Variants in MARCHF1 observed in about 807,000 individuals in gnomAD.
MARCHF1 encodes the protein E3 ubiquitin-protein ligase MARCHF1.
MARCHF1 carries 40 observed loss-of-function variants against 54.2 expected under a neutral mutation model. The ratio of observed to expected loss-of-function variants is 0.74; its 90% CI spans 0.57 to 0.96. The LOEUF is 0.96. Ranked by LOEUF, MARCHF1 falls within the 40% of genes least tolerant of loss-of-function variation. The pLI, the probability that MARCHF1 is intolerant of heterozygous loss-of-function variation, is 0.00. For synonymous variants in MARCHF1, 236 were observed against 236.3 expected (o/e 1.00, Z 0.01); for missense variants, 586 against 656.5 (o/e 0.89, Z 1.17).
chr4:163,849,114 T>G (rs1221318885), intron 4 of MARCHF1, among the ~76,000 whole-genome samples: 1 of 152,210 alleles, frequency 6.6e-6, no homozygotes, highest in Admixed American at 6.5e-5. Flanking sequence ...GTTCTTCCCC[T>G]TAACCTGAGA....
At chr4:163,643,902 G>A (rs915769072) in intron 5 of MARCHF1, among the ~76,000 whole-genome samples, 18 of 152,132 alleles carry the variant, frequency 1.2e-4, no homozygotes, top group Admixed American at 1.0e-3. Context: ...AGATAGAATG[G>A]AATGGAGATA....
chr4:164,214,747 C>G (rs1206510591), intron 1 of MARCHF1, among the ~76,000 whole-genome samples: 3 of 152,192 alleles, frequency 2.0e-5, no homozygotes, highest in Admixed American at 6.5e-5. Context: ...AATTATAACT[C>G]AATAATGCCT....
chr4:163,791,569 T>C (rs1470280372), intron 4 of MARCHF1, among the ~76,000 whole-genome samples: 6 of 152,148 alleles, frequency 3.9e-5, no homozygotes, highest in South Asian at 2.1e-4. Context: ...GTGGATACTA[T>C]AGGACTGCAG....
At chr4:163,848,134 T>A (rs1749538268) in intron 4 of MARCHF1, among the ~76,000 whole-genome samples, 1 of 152,192 alleles carries the variant, frequency 6.6e-6, no homozygotes, top group South Asian at 2.1e-4. Context: ...ATATGTCTGA[T>A]TACAAATCAT....
chr4:163,927,629 TGGTTAGCTTGC>T (rs1751564708), intron 3 of MARCHF1, among the ~76,000 whole-genome samples: 1 of 151,832 alleles, frequency 6.6e-6, no homozygotes, highest in South Asian at 2.1e-4. Flanking sequence ...ACAGGTTGCC[TGGTTAGCTTGC>T]AGAGTAATTT....
At chr4:164,204,434 G>A (rs138135042) in intron 1 of MARCHF1, among the ~76,000 whole-genome samples, 12 of 152,244 alleles carry the variant, frequency 7.9e-5, no homozygotes, top group African/African-American at 2.4e-4. Context: ...TTTAGTTTTT[G>A]CTCTTTGAGA....
Position 163,835,824 on chromosome 4 carries a change from A to G in MARCHF1, c.111+18197T>C, listed in dbSNP as rs76551013. Among the ~76,000 whole-genome samples, 5 of 152,360 alleles carry G rather than the reference A, an allele frequency of 3.3e-5. No homozygotes were observed. The East Asian group carries it at 9.6e-4, about 29-fold the overall frequency. On this transcript the variant is annotated intron_variant, in intron 4 of 9. Coordinates refer to ENST00000514618, the MANE Select transcript of MARCHF1 (RefSeq NM_001394959.1). ...TCACATGCATTTTACAAAAGTACAT[A>G]TAACCAGTTTATGCAGAGAGTTAAC...
chr4:163,564,143 C>T lies in MARCHF1; in HGVS notation c.1192-18400G>A, dbSNP rs565106870. ...CTCCTTAACCATTCGCCTTACTGTT[C>T]GGTACATATTTCTATAAACAGGCTC... On this transcript the variant is annotated intron_variant, in intron 8 of 9. Coordinates refer to ENST00000514618, the MANE Select transcript of MARCHF1 (RefSeq NM_001394959.1). 8.5e-5 allele frequency among the ~76,000 whole-genome samples: 13 copies of T among 152,234 alleles called. No homozygotes were observed. In the East Asian group the frequency reaches 1.5e-3, roughly 18 times the overall value.
chr4:164,373,153 C>T (rs2110963456), intron 1 of MARCHF1, among the ~76,000 whole-genome samples: 1 of 152,216 alleles, frequency 6.6e-6, no homozygotes, highest in South Asian at 2.1e-4. Context: ...AAAATACTAT[C>T]ATCTGCATTT....
intron 4 of MARCHF1, among the ~76,000 whole-genome samples, chr4:163,751,873 TAAAGAC>T (rs1746531971): frequency 6.6e-6 from 1 of 151,260 alleles, no homozygotes; most frequent in Non-Finnish European, 1.5e-5. Context: ...ATGGAAGAAA[TAAAGAC>T]AAAGAAGAGT....
chr4:164,041,429 C>A (rs1346148963), intron 2 of MARCHF1, among the ~76,000 whole-genome samples: 1 of 152,112 alleles, frequency 6.6e-6, no homozygotes, highest in Non-Finnish European at 1.5e-5. Context: ...AAGATTCATG[C>A]CTTCCTCATT....
intron 1 of MARCHF1, among the ~76,000 whole-genome samples, chr4:164,229,400 G>T (rs927890294): frequency 2.6e-5 from 4 of 152,134 alleles, no homozygotes; most frequent in African/African-American, 7.2e-5. Flanking sequence ...GAGAGACCAG[G>T]GCTTGAGGCC....
intron 4 of MARCHF1, among the ~76,000 whole-genome samples, chr4:163,707,233 T>C (rs1348309869): frequency 6.6e-6 from 1 of 152,100 alleles, no homozygotes; most frequent in Non-Finnish European, 1.5e-5. Context: ...TATATTTGAT[T>C]ATCCTCTGTC....
intron 2 of MARCHF1, among the ~76,000 whole-genome samples, chr4:164,044,157 G>T (rs1221980366): frequency 6.6e-6 from 1 of 152,118 alleles, no homozygotes; most frequent in East Asian, 1.9e-4. Flanking sequence ...TTGCAAAGTC[G>T]CTTTCACATT....
At chr4:164,265,320 A>G (rs1271320200) in intron 1 of MARCHF1, among the ~76,000 whole-genome samples, 1 of 152,200 alleles carries the variant, frequency 6.6e-6, no homozygotes, top group Non-Finnish European at 1.5e-5. Flanking sequence ...AAAGCAGTGT[A>G]AATAAAAATA....
intron 1 of MARCHF1, among the ~76,000 whole-genome samples, chr4:164,377,506 T>C (rs1731226645): frequency 6.6e-6 from 1 of 152,128 alleles, no homozygotes; most frequent in Non-Finnish European, 1.5e-5. Flanking sequence ...CATTTTTCAC[T>C]CCATAAATGT....
Position 163,525,285 on chromosome 4 carries a change from C to T in MARCHF1, c.*3463G>A, listed in dbSNP as rs1193464623. ...CAAAGAATAGATGTTTTAAAGAGTACCCAAGGACCTTTTGTAAAACAAGAT... is the reference window on the plus strand; with the variant it reads ...CAAAGAATAGATGTTTTAAAGAGTATCCAAGGACCTTTTGTAAAACAAGAT... On this transcript the variant is annotated 3_prime_UTR_variant, in exon 10 of 10. Coordinates refer to ENST00000514618, the MANE Select transcript of MARCHF1 (RefSeq NM_001394959.1). The T allele has an allele frequency of 6.6e-6, 1 of 151,992 alleles. No homozygotes were observed. Among genetic ancestry groups the T allele is most frequent in the Non-Finnish European group, 1.5e-5 (1 of 67,994 alleles). 9.4% of individuals were successfully genotyped at this position (151,992 alleles called of 1,614,324 possible).
At chr4:163,871,668 A>T (rs1245583679) in intron 3 of MARCHF1, among the ~76,000 whole-genome samples, 1 of 152,198 alleles carries the variant, frequency 6.6e-6, no homozygotes, top group East Asian at 1.9e-4. Flanking sequence ...ATGATACCAG[A>T]CGTAAAAAGC....
At chr4:164,040,354 T>TATA (rs1754101254) in intron 2 of MARCHF1, among the ~76,000 whole-genome samples, 2 of 144,512 alleles carry the variant, frequency 1.4e-5, no homozygotes, top group Admixed American at 7.0e-5. Flanking sequence ...TATACTTAGT[T>TATA]CTTATTAAAT....
Sources: gnomAD v4.1 joint callset for allele counts (sites outside exome capture counted in the v4.1 genomes callset) on GRCh38, gnomAD v4.1.1 for gene constraint, MANE v1.5 for transcripts, NCBI Gene and HGNC (gene_info 2026-07-23, HGNC 2026-07-21) for gene names.